The following AP3S1 variants were observed in gnomAD, a reference collection of about 807,000 sequenced individuals.
AP3S1 encodes adaptor related protein complex 3 subunit sigma 1.
Under a neutral mutation model 21.3 loss-of-function variants are expected in AP3S1, and 12 were observed. That is an observed-to-expected ratio of 0.56 (90% CI 0.36 to 0.91). The LOEUF (loss-of-function observed/expected upper bound fraction) is 0.91, where lower values mean the gene tolerates loss of function less well. Ranked by LOEUF, AP3S1 falls within the 40% of genes least tolerant of loss-of-function variation. The probability of loss-of-function intolerance (pLI) is 0.01; values close to 1 mark genes in which losing one functional copy is unlikely to be tolerated. For missense variants in AP3S1, 116 were observed against 225.0 expected (o/e 0.52, Z 3.10); for synonymous variants, 48 against 78.4 (o/e 0.61, Z 2.05).
At chr5:115,852,953 G>T in intron 1 of AP3S1, 1 of 442,608 alleles carries the variant, frequency 2.3e-6, no homozygotes, top group South Asian at 1.6e-5. Context: ...GAATTTTTCT[G>T]TGACCATATA....
intron 3 of AP3S1, 99 bp downstream of exon 3, chr5:115,870,227 GAAAT>G (rs913910483): frequency 8.5e-6 from 6 of 709,228 alleles, no homozygotes; most frequent in African/African-American, 3.7e-5. Context: ...ATGTTAGTAA[GAAAT>G]AAAGCATTTC....
At chr5:115,885,378 G>T (rs1749689074) in intron 3 of AP3S1, among the ~76,000 whole-genome samples, 2 of 152,120 alleles carry the variant, frequency 1.3e-5, no homozygotes, top group African/African-American at 4.8e-5. Flanking sequence ...TTCAGTCTGT[G>T]GTCAAAGGCC....
chr5:115,863,792 A>G (rs913087992), intron 1 of AP3S1, among the ~76,000 whole-genome samples: 6 of 152,204 alleles, frequency 3.9e-5, no homozygotes, highest in South Asian at 2.1e-4. Context: ...AAGGTAAAGG[A>G]TCTAAAGCTG....
At position 115,904,222 on chromosome 5, in the gene AP3S1, A is replaced by G. The variant is rs560477856; in HGVS notation, c.453+1230A>G. 6.6e-5 allele frequency: 10 copies of G among 152,368 alleles called. No individual in the cohort carries two copies. The East Asian group carries it at 1.9e-3, about 29-fold the overall frequency. The allele number at this position is 152,368 out of a possible 1,614,324, so 9.4% of individuals were successfully genotyped here. A position where few individuals can be genotyped will look rare whatever the true frequency, so the allele number is the denominator to read the frequency against. On this transcript the variant is annotated intron_variant, in intron 5 of 5. Coordinates refer to ENST00000316788, the MANE Select transcript of AP3S1 (RefSeq NM_001284.4). ...TTATAATTATTAGTGTTAAGCTCAG[A>G]TGTTTCGTTGATTTAAAGTAAATAT...
intron 3 of AP3S1, among the ~76,000 whole-genome samples, chr5:115,877,513 C>T (rs529624683): frequency 6.6e-6 from 1 of 152,104 alleles, no homozygotes; most frequent in South Asian, 2.1e-4. Flanking sequence ...CATCCATGTC[C>T]CTGCAAAGGA....
At chr5:115,906,649 G>A (rs895909289) in intron 5 of AP3S1, among the ~76,000 whole-genome samples, 18 of 152,080 alleles carry the variant, frequency 1.2e-4, no homozygotes, top group Non-Finnish European at 2.1e-4. Flanking sequence ...GACTCCCTGG[G>A]GGTGGAGGTA....
intron 1 of AP3S1, among the ~76,000 whole-genome samples, chr5:115,864,072 G>A (rs1308418399): frequency 6.6e-6 from 1 of 152,208 alleles, no homozygotes; most frequent in Non-Finnish European, 1.5e-5. Context: ...AGGATTTAAA[G>A]TTGGAAGGGA....
At chr5:115,913,243 C>A in intron 5 of AP3S1, 119 bp from the exon 6 acceptor site, 1 of 1,004,008 alleles carries the variant, frequency 1.0e-6, no homozygotes, top group Non-Finnish European at 1.4e-6. Flanking sequence ...AAACTACCAT[C>A]TGGTCCCTAA....
At chr5:115,873,618 C>A (rs1054684273) in intron 3 of AP3S1, among the ~76,000 whole-genome samples, 4 of 152,154 alleles carry the variant, frequency 2.6e-5, no homozygotes, top group African/African-American at 9.6e-5. Flanking sequence ...GTGTACTGAG[C>A]ACACATGAGT....
At chr5:115,879,934 G>A (rs570170525) in intron 3 of AP3S1, among the ~76,000 whole-genome samples, 2 of 152,232 alleles carry the variant, frequency 1.3e-5, no homozygotes, top group Admixed American at 1.3e-4. Flanking sequence ...TTAAGTCTTG[G>A]GAGGGTGTAT....
At chr5:115,911,474 C>G (rs1200742307) in intron 5 of AP3S1, among the ~76,000 whole-genome samples, 1 of 151,846 alleles carries the variant, frequency 6.6e-6, no homozygotes, top group Non-Finnish European at 1.5e-5. Context: ...ATGGAAATTC[C>G]TAAGTAAAAA....
At chr5:115,858,091 G>C (rs575885583) in intron 1 of AP3S1, among the ~76,000 whole-genome samples, 1 of 152,268 alleles carries the variant, frequency 6.6e-6, no homozygotes, top group Non-Finnish European at 1.5e-5. Context: ...CAGTCATGCT[G>C]GGATCTTTAT....
At chr5:115,861,659 A>G (rs987360192) in intron 1 of AP3S1, among the ~76,000 whole-genome samples, 3 of 151,960 alleles carry the variant, frequency 2.0e-5, no homozygotes, top group African/African-American at 4.8e-5. Context: ...GGCTCAAGCA[A>G]TCCTCCTACC....
chr5:115,888,010 T>C (rs1003139785), intron 3 of AP3S1, among the ~76,000 whole-genome samples: 31 of 152,256 alleles, frequency 2.0e-4, no homozygotes, highest in African/African-American at 7.5e-4. Context: ...TACTAGGTAA[T>C]TAAAATGCAG....
At chr5:115,891,057 C>T (rs1750258363) in intron 3 of AP3S1, among the ~76,000 whole-genome samples, 2 of 152,148 alleles carry the variant, frequency 1.3e-5, no homozygotes, top group South Asian at 4.1e-4. Context: ...AAAAATGTAT[C>T]TGAATTAGTT....
intron 4 of AP3S1, among the ~76,000 whole-genome samples, chr5:115,898,977 AG>A (rs1750989999): frequency 6.6e-6 from 1 of 152,200 alleles, no homozygotes; most frequent in South Asian, 2.1e-4. Context: ...ATCAAAATCC[AG>A]GGCAAAATGA....
At chr5:115,848,989 G>C (rs1158279868) in intron 1 of AP3S1, among the ~76,000 whole-genome samples, 1 of 152,152 alleles carries the variant, frequency 6.6e-6, no homozygotes, top group African/African-American at 2.4e-5. Context: ...CCTCTGACTA[G>C]GCCTTCTAGA....
chr5:115,872,989 A>T (rs1450424526), intron 3 of AP3S1, among the ~76,000 whole-genome samples: 1 of 152,184 alleles, frequency 6.6e-6, no homozygotes, highest in Non-Finnish European at 1.5e-5. Context: ...TAGCCACTAG[A>T]ATTACAGGAA....
intron 3 of AP3S1, among the ~76,000 whole-genome samples, chr5:115,887,819 A>G (rs1749931768): frequency 6.6e-6 from 1 of 152,116 alleles, no homozygotes; most frequent in Admixed American, 6.6e-5. Flanking sequence ...AAGCTGTCAT[A>G]TAATAGATAC....
Sources: allele counts gnomAD v4.1 joint callset (sites outside exome capture counted in the v4.1 genomes callset), GRCh38; gene constraint gnomAD v4.1.1; transcripts MANE v1.5; gene names NCBI Gene and HGNC (gene_info 2026-07-23, HGNC 2026-07-21).